IKZF4: variants seen among roughly 807,000 people sequenced by gnomAD.
IKZF4 encodes zinc finger protein Eos.
IKZF4 carries 11 observed loss-of-function variants against 47.7 expected under a neutral mutation model. The observed-to-expected ratio is 0.23, with a 90% confidence interval of 0.15 to 0.38. The LOEUF is 0.38. IKZF4 is among the 10% of genes least tolerant of loss of function. The pLI, the probability that IKZF4 is intolerant of heterozygous loss-of-function variation, is 1.00. For missense variants in IKZF4, 557 were observed against 784.9 expected, an observed-to-expected ratio of 0.71 and a Z score of 3.47; for synonymous variants, 298 against 299.4, an observed-to-expected ratio of 1.00 and a Z score of 0.05.
chr12:56,026,353 C>T (rs1052980120), intron 3 of IKZF4, among the ~76,000 whole-genome samples: 2 of 152,054 alleles, frequency 1.3e-5, no homozygotes, highest in African/African-American at 4.8e-5. Context: ...CCATTTAAGG[C>T]TTGAATGTCT....
intron 1 of IKZF4, 108 bp downstream of exon 1, chr12:56,021,688 C>CCGTGTG (rs542209292): frequency 1.1e-5 from 7 of 658,882 alleles, no homozygotes; most frequent in Middle Eastern, 3.9e-4. Flanking sequence ...AGGATGGGGG[C>CCGTGTG]TGTGTGTGTG....
chr12:56,016,212 AC>A (rs1277753339), upstream of IKZF4, among the ~76,000 whole-genome samples: 1 of 151,258 alleles, frequency 6.6e-6, no homozygotes, highest in Non-Finnish European at 1.5e-5. Context: ...GCCTTCCTGC[AC>A]CCCCTCACCC....
chr12:56,022,886 G>A (rs377278021), intron 1 of IKZF4, among the ~76,000 whole-genome samples: 3 of 144,166 alleles, frequency 2.1e-5, no homozygotes, highest in Non-Finnish European at 3.0e-5. Context: ...TGCAAGCTCC[G>A]CCTCCCAGGT....
At position 56,037,348 on chromosome 12, in the gene IKZF4, G is replaced by C. The variant is rs1895709107; in HGVS notation, c.*2017G>C. The C allele has an allele frequency of 6.6e-6, 1 of 152,664 alleles. No individual in the cohort carries two copies. The highest frequency in any genetic ancestry group is 2.4e-5 in the African/African-American group (1 of 41,458). The allele number at this position is 152,664 out of a possible 1,614,324, so 9.5% of individuals were successfully genotyped here. A position where few individuals can be genotyped will look rare whatever the true frequency, so the allele number is the denominator to read the frequency against. ...AATGGGGAGGTTAGCTCAGAGCAGA[G>C]TAGTCTCTAGAGAAAGGAAGAATCC... On this transcript the variant is annotated 3_prime_UTR_variant, in exon 8 of 8. Transcript: ENST00000547167.
chr12:56,026,136 A>G (rs548460445), intron 3 of IKZF4, among the ~76,000 whole-genome samples: 2 of 152,034 alleles, frequency 1.3e-5, no homozygotes, highest in African/African-American at 4.8e-5. Context: ...GGGTTTCACC[A>G]TGTTGGCCAG....
In IKZF4 at chr12:56,038,141, C is replaced by A. The variant is rs1308867141; in HGVS notation, c.*2810C>A. The stretch of plus-strand genomic sequence containing the variant: ...AATAAACACAGAAGCAAGTGCAATA[C>A]CACCTCTCTTCTCCCTCTCTCCTAG... On this transcript the variant is annotated 3_prime_UTR_variant, in exon 8 of 8. Transcript: ENST00000547167. 6.6e-6 allele frequency: 1 copy of A among 151,468 alleles called. No homozygotes were observed. The highest frequency in any genetic ancestry group is 1.9e-4 in the East Asian group (1 of 5,166). The allele number at this position is 151,468 out of a possible 1,614,324, so 9.4% of individuals were successfully genotyped here.
At chr12:56,018,373 C>T (rs1307902277), upstream of IKZF4, among the ~76,000 whole-genome samples, 1 of 152,082 alleles carries the variant, frequency 6.6e-6, no homozygotes, top group Non-Finnish European at 1.5e-5. Flanking sequence ...TTTTCTTTTC[C>T]AGACTTCTTG....
rs920568641 is a variant in IKZF4 at position 56,008,636 on chromosome 12, C to T, written c.-292+902C>T. On this transcript the variant is annotated intron_variant, in intron 1 of 11. Coordinates refer to the IKZF4 transcript ENST00000262032. ...GAAATATTGTACCCCAATCCCCATCCAAGGTCAAGAAGTTACGAACTCTGC... is the reference window on the plus strand; with the variant it reads ...GAAATATTGTACCCCAATCCCCATCTAAGGTCAAGAAGTTACGAACTCTGC... Among the ~76,000 whole-genome samples the T allele has an allele frequency of 2.0e-5, 3 of 151,562 alleles. No homozygotes were observed. In the East Asian group the frequency reaches 5.8e-4, roughly 29 times the overall value.
intron 5 of IKZF4, among the ~76,000 whole-genome samples, chr12:56,030,504 C>T (rs1221978130): frequency 6.6e-6 from 1 of 151,044 alleles, no homozygotes; most frequent in African/African-American, 2.4e-5. Context: ...CCAAGGCGGG[C>T]AGATCACCTG....
chr12:56,029,951 T>C (rs1894640987), intron 5 of IKZF4, among the ~76,000 whole-genome samples: 1 of 152,176 alleles, frequency 6.6e-6, no homozygotes, highest in African/African-American at 2.4e-5. Flanking sequence ...TGAGGTGAAC[T>C]GGGTAGATTT....
intron 2 of IKZF4, among the ~76,000 whole-genome samples, chr12:56,014,064 T>G (rs1891684419): frequency 6.6e-6 from 1 of 150,656 alleles, no homozygotes; most frequent in East Asian, 2.0e-4. Flanking sequence ...GGCAGGAGAA[T>G]CACTTGAACC....
At chr12:56,032,429 A>G (rs1389332277) in intron 5 of IKZF4, 132 bp from the exon 6 acceptor site, 1 of 876,622 alleles carries the variant, frequency 1.1e-6, no homozygotes, top group East Asian at 2.7e-5. Context: ...GAAATGAAAG[A>G]CAAGTAGAAG....
Position 56,034,892 on chromosome 12 carries a change from G to A in IKZF4, c.1319G>A (p.Gly440Asp), listed in dbSNP as rs200139912. ...GGTCCCCTCCTCTACCGGCCCCGAGGCCCCCTGACTGACCCTGGGGCATCC... is the reference window on the plus strand; with the variant it reads ...GGTCCCCTCCTCTACCGGCCCCGAGACCCCCTGACTGACCCTGGGGCATCC... The part of the protein sequence containing the change: ...DGGPLLYRPR[G>D]PLTDPGASPS... The change falls in exon 8 of 8, where the codon GGC becomes GAC. Residue 440 changes from glycine to aspartate, a missense_variant. Physicochemically the swap from Gly to Asp is moderately conservative, Grantham distance 94. Transcript: ENST00000547167. 2.3e-5 allele frequency: 37 copies of A among 1,607,022 alleles called. No individual in the cohort carries two copies. In the African/African-American group the frequency reaches 3.6e-4, roughly 16 times the overall value.
intron 2 of IKZF4, chr12:56,024,733 T>C: frequency 8.2e-7 from 1 of 1,222,486 alleles, no homozygotes; most frequent in South Asian, 1.6e-5. Flanking sequence ...CTGTCCCTTC[T>C]GCAGCCCCCA....
intron 7 of IKZF4, 23 bp downstream of exon 7, chr12:56,033,344 G>T (rs73123262): frequency 0.01 from 16,581 of 1,613,438 alleles, 105 homozygotes; most frequent in Non-Finnish European, 0.013. Flanking sequence ...TTGGAAAGAC[G>T]TATCAGCTTT....
In IKZF4 at chr12:56,036,959, G is replaced by C. The variant is rs1263753450; in HGVS notation, c.*1628G>C. The stretch of plus-strand genomic sequence containing the variant: ...AACACCTCACAAGTTGTAACTCTTG[G>C]TCCTTCTCTCTCTCCTTTTCTCTTC... On this transcript the variant is annotated 3_prime_UTR_variant, in exon 8 of 8. Transcript: ENST00000547167. 6.6e-6 allele frequency: 1 copy of C among 151,708 alleles called. No individual in the cohort carries two copies. The highest frequency in any genetic ancestry group is 1.5e-5 in the Non-Finnish European group (1 of 67,958). 9.4% of individuals were successfully genotyped at this position (151,708 alleles called of 1,614,324 possible). A position where few individuals can be genotyped will look rare whatever the true frequency, so the allele number is the denominator to read the frequency against.
At position 56,021,535 on chromosome 12, in the gene IKZF4, C is replaced by T. The variant is rs746459005; in HGVS notation, c.42C>T (p.Gly14=). Reference sequence around the variant, plus strand: ...CACTCCCTCGCCGTTTCCAAGGCGGCGGCCGCGTTCGCACCCCAGGGTCTC... The same window carrying T: ...CACTCCCTCGCCGTTTCCAAGGCGGTGGCCGCGTTCGCACCCCAGGGTCTC... ...PPALPRRFQG[G]GRVRTPGSHR... is the part of the protein sequence containing the mutation. The change falls in exon 1 of 8, where the codon GGC becomes GGT. Residue 14 remains glycine, a synonymous_variant. Transcript: ENST00000547167. The T allele has an allele frequency of 2.0e-5, 32 of 1,608,948 alleles. No homozygotes were observed. Among genetic ancestry groups the T allele is most frequent in the South Asian group, 4.4e-5 (4 of 89,996 alleles).
In IKZF4 at chr12:56,027,922, C is replaced by G. The variant is rs963498722; in HGVS notation, c.690C>G (p.Leu230=). The change falls in exon 5 of 8, where the codon CTC becomes CTG. Residue 230 remains leucine (L), a synonymous_variant. Transcript: ENST00000547167. Reference sequence around the variant, plus strand: ...ATGCCTGCCGCCGGCGTGATGCACTCACTGGTCACCTCCGCACACACTCAG... The same window carrying G: ...ATGCCTGCCGCCGGCGTGATGCACTGACTGGTCACCTCCGCACACACTCAG... ...CNYACRRRDA[L]TGHLRTHSVS... 12 of 1,579,942 alleles carry G rather than the reference C, an allele frequency of 7.6e-6. No individual in the cohort carries two copies. Among genetic ancestry groups the G allele is most frequent in the Non-Finnish European group, 1.0e-5 (12 of 1,162,990 alleles).
At chr12:56,020,966 GA>G (rs1263654742), upstream of IKZF4, 1 of 1,027,902 alleles carries the variant, frequency 9.7e-7, no homozygotes, top group Admixed American at 5.4e-5. Flanking sequence ...GCTGGCAGAG[GA>G]TTGGGCCTTC....
Sources: gnomAD v4.1 joint callset for allele counts (sites outside exome capture counted in the v4.1 genomes callset) on GRCh38, gnomAD v4.1.1 for gene constraint, MANE v1.5 for transcripts, NCBI Gene and HGNC (gene_info 2026-07-23, HGNC 2026-07-21) for gene names.